The following RPAP2 variants were observed in gnomAD, a reference collection of about 807,000 sequenced individuals.
The protein encoded by RPAP2 is putative RNA polymerase II subunit B1 CTD phosphatase RPAP2.
Under a neutral mutation model 73.1 loss-of-function variants are expected in RPAP2, and 52 were observed. The ratio of observed to expected loss-of-function variants is 0.71; its 90% CI spans 0.57 to 0.90. The LOEUF is 0.90. RPAP2 is among the 40% of genes least tolerant of loss of function. RPAP2 has a pLI of 0.00. For missense variants in RPAP2, 598 were observed against 701.8 expected (o/e 0.85, Z 1.67); for synonymous variants, 225 against 242.1 (o/e 0.93, Z 0.65).
At chr1:92,380,010 A>C (rs986257407) in intron 11 of RPAP2, among the ~76,000 whole-genome samples, 1 of 151,172 alleles carries the variant, frequency 6.6e-6, no homozygotes, top group Non-Finnish European at 1.5e-5. Context: ...CTGTAATCCT[A>C]ACACTTTGGG....
rs746243923 is a variant in RPAP2, at chr1:92,336,335, T to G, written c.1539-12T>G. The stretch of plus-strand genomic sequence containing the variant: ...TTTTGTTTTAAAATAAATGTAATTT[T>G]TAAATTTTCAGGTTGCCTGGGCTTC... On this transcript the variant is annotated splice_polypyrimidine_tract_variant and intron_variant, in intron 9 of 12. Coordinates refer to ENST00000610020, the MANE Select transcript of RPAP2 (RefSeq NM_024813.3). The G allele has an allele frequency of 7.0e-5, 111 of 1,591,502 alleles. 1 individual carries two copies. The highest frequency in any genetic ancestry group is 9.3e-5 in the Non-Finnish European group (108 of 1,164,618).
rs562652937 is a variant in RPAP2 at position 92,332,628 on chromosome 1, G to T, written c.1456-763G>T. On this transcript the variant is annotated intron_variant, in intron 8 of 12. Coordinates refer to ENST00000610020, the MANE Select transcript of RPAP2 (RefSeq NM_024813.3). ...CTGTAATGTAATCAGAGATTAAGAT[G>T]ATTTCAAGGTGGGATTCACTCCCTG... Among the ~76,000 whole-genome samples the T allele has an allele frequency of 2.6e-5, 4 of 152,190 alleles. No homozygotes were observed. The South Asian group carries it at 8.3e-4, about 32-fold the overall frequency.
intron 2 of RPAP2, among the ~76,000 whole-genome samples, chr1:92,301,073 T>G (rs1392232845): frequency 1.3e-5 from 2 of 152,258 alleles, no homozygotes; most frequent in African/African-American, 4.8e-5. Flanking sequence ...TGCTGAGACC[T>G]GCGTGCTAAG....
At chr1:92,338,014 TTC>T (rs1407853969) in intron 10 of RPAP2, among the ~76,000 whole-genome samples, 4 of 152,196 alleles carry the variant, frequency 2.6e-5, no homozygotes, top group Non-Finnish European at 5.9e-5. Flanking sequence ...TTAACTATCA[TTC>T]TGTTTTCCTA....
chr1:92,305,678 C>T (rs1651183240), intron 5 of RPAP2, among the ~76,000 whole-genome samples: 1 of 151,202 alleles, frequency 6.6e-6, no homozygotes, highest in African/African-American at 2.4e-5. Context: ...GACAGACAAA[C>T]TAATAGAAAA....
intron 11 of RPAP2, among the ~76,000 whole-genome samples, chr1:92,357,222 C>A (rs970572143): frequency 5.9e-5 from 9 of 151,978 alleles, no homozygotes; most frequent in African/African-American, 2.2e-4. Flanking sequence ...CACTTTACAG[C>A]CTACTGGAGG....
intron 11 of RPAP2, among the ~76,000 whole-genome samples, chr1:92,346,716 A>G (rs1653922987): frequency 6.6e-6 from 1 of 152,216 alleles, no homozygotes; most frequent in Admixed American, 6.5e-5. Flanking sequence ...CTACAAAAGC[A>G]TATATAAAAC....
At chr1:92,337,543 TTTACA>T (rs1230792768) in intron 10 of RPAP2, among the ~76,000 whole-genome samples, 2 of 152,156 alleles carry the variant, frequency 1.3e-5, no homozygotes, top group Non-Finnish European at 2.9e-5. Context: ...TTTGTAATAA[TTTACA>T]TTAAACTATC....
rs1656100811 is a variant in RPAP2 at position 92,393,301 on chromosome 1, C to A, written c.*6290C>A. 1 of 152,170 alleles carries A rather than the reference C, an allele frequency of 6.6e-6. No individual in the cohort carries two copies. Among genetic ancestry groups the A allele is most frequent in the South Asian group, 2.1e-4 (1 of 4,830 alleles). 9.4% of individuals were successfully genotyped at this position (152,170 alleles called of 1,614,324 possible). ...ATATGCAGAAAACTGTAACTGGACC[C>A]TTTCCTTACACCTTATACAAAAATC... On this transcript the variant is annotated 3_prime_UTR_variant, in exon 13 of 13. Transcript: ENST00000610020.
chr1:92,312,576 A>G (rs910670505), intron 6 of RPAP2, among the ~76,000 whole-genome samples: 1 of 152,302 alleles, frequency 6.6e-6, no homozygotes, highest in East Asian at 1.9e-4. Flanking sequence ...TTCTTTGCCT[A>G]TCCATAAGAA....
chr1:92,314,724 C>A (rs1216172552), intron 6 of RPAP2, among the ~76,000 whole-genome samples: 2 of 134,614 alleles, frequency 1.5e-5, no homozygotes, highest in African/African-American at 2.8e-5. Flanking sequence ...GCCTGGGCAA[C>A]AGAGTGAGAC....
Position 92,399,456 on chromosome 1 carries a change from C to G in RPAP2, c.*12445C>G, listed in dbSNP as rs532779894. 2 of 152,220 alleles carry G rather than the reference C, an allele frequency of 1.3e-5. No individual in the cohort carries two copies. Among genetic ancestry groups the G allele is most frequent in the South Asian group, 4.1e-4 (2 of 4,826 alleles). 9.4% of individuals were successfully genotyped at this position (152,220 alleles called of 1,614,324 possible). On this transcript the variant is annotated 3_prime_UTR_variant, in exon 13 of 13. Coordinates refer to ENST00000610020, the MANE Select transcript of RPAP2 (RefSeq NM_024813.3). ...TAAGAGCAATAAAATGAAGTTTTAACAGTGAAAACTTCTATCACTTAGATA... is the reference window on the plus strand; with the variant it reads ...TAAGAGCAATAAAATGAAGTTTTAAGAGTGAAAACTTCTATCACTTAGATA...
rs1180128799 is a variant in RPAP2, at chr1:92,391,562, A to G, written c.*4551A>G. On this transcript the variant is annotated 3_prime_UTR_variant, in exon 13 of 13. Coordinates refer to ENST00000610020, the MANE Select transcript of RPAP2 (RefSeq NM_024813.3). ...CAGAACTGAAGGAGATAGAGACTCA[A>G]CAAACCCTTCAAAAAATCAGTGAAT... 2.6e-5 allele frequency: 4 copies of G among 152,214 alleles called. No individual in the cohort carries two copies. Among genetic ancestry groups the G allele is most frequent in the Non-Finnish European group, 5.9e-5 (4 of 68,040 alleles). The allele number at this position is 152,214 out of a possible 1,614,324, so 9.4% of individuals were successfully genotyped here. A position where few individuals can be genotyped will look rare whatever the true frequency, so the allele number is the denominator to read the frequency against.
intron 7 of RPAP2, among the ~76,000 whole-genome samples, chr1:92,322,856 A>C (rs370820611): frequency 9.7e-4 from 1 of 1,028 alleles, no homozygotes; most frequent in African/African-American, 1.1e-3. Context: ...CAGCCTGGGC[A>C]ACACAGACTT....
chr1:92,339,210 T>G (rs542888654), intron 10 of RPAP2, among the ~76,000 whole-genome samples: 4 of 152,144 alleles, frequency 2.6e-5, no homozygotes, highest in Non-Finnish European at 5.9e-5. Context: ...GAAAAAAATG[T>G]TAGGCTACCC....
chr1:92,320,506 C>G (rs1044083937), intron 6 of RPAP2, 93 bp from the exon 7 acceptor site: 1 of 941,422 alleles, frequency 1.1e-6, no homozygotes, highest in Non-Finnish European at 1.7e-6. Flanking sequence ...CTCCTGACCT[C>G]GAGATCCGCC....
At chr1:92,377,634 G>C (rs1655446471) in intron 11 of RPAP2, among the ~76,000 whole-genome samples, 1 of 151,988 alleles carries the variant, frequency 6.6e-6, no homozygotes, top group African/African-American at 2.4e-5. Flanking sequence ...CAGTTGAAAT[G>C]GTTATTCAGA....
chr1:92,333,165 A>G (rs1372754173), intron 8 of RPAP2: 3 of 473,910 alleles, frequency 6.3e-6, no homozygotes, highest in African/African-American at 3.9e-5. Flanking sequence ...TCCCAATTAT[A>G]AAGATGAGAA....
Position 92,338,689 on chromosome 1 carries a change from T to TTTTTTAAA in RPAP2, c.1619+2262_1619+2263insTTTTTAAA, listed in dbSNP as rs1490473292. On this transcript the variant is annotated intron_variant, in intron 10 of 12. Coordinates refer to ENST00000610020, the MANE Select transcript of RPAP2 (RefSeq NM_024813.3). ...TTTTAAAGACAGGGTCTTGCTCAGT[T>TTTTTTAAA]GCCCAGGCTGGAGTTCAGTGATGCG... Among the ~76,000 whole-genome samples the TTTTTTAAA allele has an allele frequency of 5.8e-3, 873 of 151,428 alleles. 5 individuals carry two copies. The highest frequency in any genetic ancestry group is 0.019 in the African/African-American group (766 of 41,220).
Sources: allele counts gnomAD v4.1 joint callset (sites outside exome capture counted in the v4.1 genomes callset), GRCh38; gene constraint gnomAD v4.1.1; transcripts MANE v1.5; gene names NCBI Gene and HGNC (gene_info 2026-07-23, HGNC 2026-07-21).